TRMT2A: variants seen among roughly 807,000 people sequenced by gnomAD.
The protein encoded by TRMT2A is tRNA methyltransferase 2A, also known as tRNA (uracil-5-)-methyltransferase homolog A.
A neutral mutation model predicts 59.3 loss-of-function variants in TRMT2A; 60 were observed. The ratio of observed to expected loss-of-function variants is 1.01; its 90% CI spans 0.82 to 1.26. The LOEUF (loss-of-function observed/expected upper bound fraction) is 1.26, where lower values mean the gene tolerates loss of function less well. Ranked by LOEUF, TRMT2A falls within the 50% of genes most tolerant of loss-of-function variation. The pLI, the probability that TRMT2A is intolerant of heterozygous loss-of-function variation, is 0.00. For synonymous variants in TRMT2A, 403 were observed against 353.7 expected, an observed-to-expected ratio of 1.14 and a Z score of -1.56; for missense variants, 863 against 845.2, an observed-to-expected ratio of 1.02 and a Z score of -0.26.
At chr22:20,114,457 A>C in intron 7 of TRMT2A, 117 bp downstream of exon 7, 1 of 850,114 alleles carries the variant, frequency 1.2e-6, no homozygotes, top group Non-Finnish European at 2.0e-6. Context: ...CCTGTGGCTC[A>C]CCTGCCTGGA....
intron 4 of TRMT2A, 44 bp from the exon 5 acceptor site, chr22:20,115,123 G>A (rs1390254719): frequency 6.4e-7 from 1 of 1,563,380 alleles, no homozygotes; most frequent in Non-Finnish European, 8.7e-7. Context: ...AACTGGGCAA[G>A]CAGTCCCCCT....
At position 20,116,025 on chromosome 22, in the gene TRMT2A, C is replaced by T. The variant is rs760183557; in HGVS notation, c.599+13G>A. The stretch of plus-strand genomic sequence containing the variant: ...AGCCCTGGCCAAGAGGGGCGTCTTG[C>T]GCCCACACTCACTTGGCAAGTTTCT... On this transcript the variant is annotated intron_variant, in intron 2 of 11. Transcript: ENST00000252136. 21 of 1,543,232 alleles carry T rather than the reference C, an allele frequency of 1.4e-5. No individual in the cohort carries two copies. Among genetic ancestry groups the T allele is most frequent in the East Asian group, 6.8e-5 (3 of 44,136 alleles).
Position 20,115,375 on chromosome 22 carries a change from G to T in TRMT2A, c.781C>A (p.Arg261=), listed in dbSNP as rs1026113720. 3 of 1,612,650 alleles carry T rather than the reference G, an allele frequency of 1.9e-6. No individual in the cohort carries two copies. The African/African-American group carries it at 4.0e-5, about 22-fold the overall frequency. Reference sequence around the variant, plus strand: ...GTCCCGCCCTTGTACTTGCCGAGCCGACAGCCCACGGTGTTATCCTCCCCA... The same window carrying T: ...GTCCCGCCCTTGTACTTGCCGAGCCTACAGCCCACGGTGTTATCCTCCCCA... ...VDGEDNTVGC[R]LGKYKGGTCA... The change falls in exon 4 of 12, where the codon CGG becomes AGG. Residue 261 remains arginine (R), a synonymous_variant. Coordinates refer to ENST00000252136, the MANE Select transcript of TRMT2A (RefSeq NM_022727.6).
Position 20,112,136 on chromosome 22 carries a change from C to T in TRMT2A, c.*427G>A, listed in dbSNP as rs142467695. The stretch of plus-strand genomic sequence containing the variant: ...AGTTCCCAGACCTCTCTCTGCCTCT[C>T]CTCAAGTTTAAGTATCAAATCGAAC... On this transcript the variant is annotated 3_prime_UTR_variant, in exon 12 of 12. Coordinates refer to ENST00000252136, the MANE Select transcript of TRMT2A (RefSeq NM_022727.6). 15 of 179,356 alleles carry T rather than the reference C, an allele frequency of 8.4e-5. 1 individual carries two copies. In the East Asian group the frequency reaches 1.9e-3, roughly 22 times the overall value. 11.1% of individuals were successfully genotyped at this position (179,356 alleles called of 1,614,324 possible).
Position 20,115,721 on chromosome 22 carries a change from T to C in TRMT2A, c.659A>G (p.His220Arg). ...LPWLLEQRHK[H>R]NKACCPLEGV... is the part of the protein sequence containing the mutation. The stretch of plus-strand genomic sequence containing the variant: ...CTCCAGCGGGCAGCAGGCCTTGTTG[T>C]GCTTGTGCCTCTGCTCGAGCAGCCA... Residue 220 changes from histidine to arginine, a missense_variant, in exon 3 of 12, where the codon CAC becomes CGC. His to Arg is a conservative substitution (Grantham distance 29). Transcript: ENST00000252136. 1.2e-6 allele frequency: 2 copies of C among 1,612,828 alleles called. No homozygotes were observed. Among genetic ancestry groups the C allele is most frequent in the Non-Finnish European group, 1.7e-6 (2 of 1,179,852 alleles).
chr22:20,117,092 C>T lies in TRMT2A; in HGVS notation c.-186G>A. On this transcript the variant is annotated 5_prime_UTR_variant, in exon 1 of 12. Transcript: ENST00000252136. Reference sequence around the variant, plus strand: ...GCTTCGCCCCAGGCGGGGCGGGACTCGAACCTGCGATGCTCAGGTCCGGGT... The same window carrying T: ...GCTTCGCCCCAGGCGGGGCGGGACTTGAACCTGCGATGCTCAGGTCCGGGT... 1 of 752,014 alleles carries T rather than the reference C, an allele frequency of 1.3e-6. No individual in the cohort carries two copies. The highest frequency in any genetic ancestry group is 2.1e-6 in the Non-Finnish European group (1 of 467,112). 46.6% of individuals were successfully genotyped at this position (752,014 alleles called of 1,614,324 possible).
At position 20,115,737 on chromosome 22, in the gene TRMT2A, C is replaced by T. The variant is rs369621851; in HGVS notation, c.643G>A (p.Glu215Lys). The T allele has an allele frequency of 1.9e-4, 305 of 1,612,614 alleles. 3 individuals are homozygous for T. The South Asian group carries it at 2.9e-3, about 15-fold the overall frequency. ...GCCTTGTTGTGCTTGTGCCTCTGCT[C>T]GAGCAGCCAGGGCAGCAAGGCACGG... ...TNRALLPWLL[E>K]QRHKHNKACC... Residue 215 changes from glutamate to lysine, a missense_variant, in exon 3 of 12, where the codon GAG becomes AAG. Glu to Lys is a moderately conservative substitution (Grantham distance 56, BLOSUM62 1). Transcript: ENST00000252136.
In TRMT2A at chr22:20,116,513, C is replaced by T; in HGVS notation, c.124G>A (p.Val42Met). The change falls in exon 2 of 12, where the codon GTG (valine) becomes ATG (methionine). Residue 42 changes from valine (V) to methionine (M), a missense_variant. Coordinates refer to ENST00000252136, the MANE Select transcript of TRMT2A (RefSeq NM_022727.6). ...GCCGCCCCAGCGCCCTCTTTCTCCA[C>T]CTCCTCCAGGGCTGCCGGGGCTGCA... ...PPAAPAALEEVEKEGAGAATG... is the reference protein window; with the variant it reads ...PPAAPAALEEMEKEGAGAATG... 1.2e-6 allele frequency: 2 copies of T among 1,612,448 alleles called. No individual in the cohort carries two copies. The highest frequency in any genetic ancestry group is 1.7e-6 in the Non-Finnish European group (2 of 1,179,900).
At chr22:20,113,343 C>G (rs1290876927) in intron 9 of TRMT2A, 89 bp downstream of exon 9, 13 of 1,528,344 alleles carry the variant, frequency 8.5e-6, no homozygotes, top group Non-Finnish European at 1.1e-5. Context: ...ACCTGTCGGG[C>G]AGCCCCCAAG....
Position 20,113,510 on chromosome 22 carries a change from G to A in TRMT2A, c.1357-3C>T. The stretch of plus-strand genomic sequence containing the variant: ...ACCCCAATGACCCTCTTTACCTTCT[G>A]AAACAGGAAAGCGTGGTGTCGCCCC... On this transcript the variant is annotated splice_region_variant and splice_polypyrimidine_tract_variant and intron_variant, in intron 8 of 11. Transcript: ENST00000252136. 1 of 1,613,392 alleles carries A rather than the reference G, an allele frequency of 6.2e-7. No individual in the cohort carries two copies. The highest frequency in any genetic ancestry group is 2.2e-5 in the East Asian group (1 of 44,842).
At chr22:20,113,549 A>G (rs368178228) in intron 8 of TRMT2A, 42 bp from the exon 9 acceptor site, 2 of 1,611,268 alleles carry the variant, frequency 1.2e-6, no homozygotes, top group South Asian at 2.2e-5. Flanking sequence ...CAGGGAGGGG[A>G]GTACATGGGG....
At position 20,116,333 on chromosome 22, in the gene TRMT2A, T is replaced by C; in HGVS notation, c.304A>G (p.Lys102Glu). The change falls in exon 2 of 12, where the codon AAA becomes GAA. Residue 102 changes from lysine (K) to glutamate (E), a missense_variant. Coordinates refer to ENST00000252136, the MANE Select transcript of TRMT2A (RefSeq NM_022727.6). ...GGTGGTTGCCCAAAGAGTTTGGTTT[T>C]GTGGGGCTGCAGACCAAAGCGGCCC... is the stretch of plus-strand genomic sequence containing the variant. Reference protein sequence around the residue: ...FLGRFGLQPHKTKLFGQPPCA... With the variant: ...FLGRFGLQPHETKLFGQPPCA... 6.2e-7 allele frequency: 1 copy of C among 1,612,958 alleles called. No homozygotes were observed. Among genetic ancestry groups the C allele is most frequent in the Non-Finnish European group, 8.5e-7 (1 of 1,180,000 alleles).
chr22:20,114,548 C>CA, intron 7 of TRMT2A, 26 bp downstream of exon 7: 1 of 1,587,944 alleles, frequency 6.3e-7, no homozygotes, highest in Non-Finnish European at 8.6e-7. Context: ...AACATGTCCC[C>CA]ATGCCCACCA....
rs751851704 is a variant in TRMT2A, at chr22:20,116,128, T to C, written c.509A>G (p.Asp170Gly). 1 of 1,612,716 alleles carries C rather than the reference T, an allele frequency of 6.2e-7. No individual in the cohort carries two copies. The highest frequency in any genetic ancestry group is 8.5e-7 in the Non-Finnish European group (1 of 1,179,578). Residue 170 changes from aspartate (D) to glycine (G), a missense_variant, in exon 2 of 12, where the codon GAC becomes GGC. Asp to Gly is a moderately conservative substitution (Grantham distance 94). Coordinates refer to ENST00000252136, the MANE Select transcript of TRMT2A (RefSeq NM_022727.6). ...CACTGTCCATAGAGGGGTCACCACGTCGGCCACTCGTGTTACTGGTGGCTC... is the reference window on the plus strand; with the variant it reads ...CACTGTCCATAGAGGGGTCACCACGCCGGCCACTCGTGTTACTGGTGGCTC... ...ESEPPVTRVADVVTPLWTVPY... is the reference protein window; with the variant it reads ...ESEPPVTRVAGVVTPLWTVPY...
chr22:20,113,401 C>CGGG, intron 9 of TRMT2A, 31 bp downstream of exon 9: 5 of 893,466 alleles, frequency 5.6e-6, no homozygotes, highest in Middle Eastern at 2.3e-4. Flanking sequence ...CTGCCCCCAT[C>CGGG]CCCACCCCCA....
chr22:20,113,404 C>CCCCCCCCCCCCCCCCCCTG, intron 9 of TRMT2A, 28 bp downstream of exon 9: 13 of 1,511,254 alleles, frequency 8.6e-6, no homozygotes, highest in Non-Finnish European at 1.2e-5. Context: ...CCCCCATCCC[C>CCCCCCCCCCCCCCCCCCTG]ACCCCCACCC....
chr22:20,115,211 C>T, intron 4 of TRMT2A, 55 bp downstream of exon 4: 2 of 1,586,870 alleles, frequency 1.3e-6, no homozygotes, highest in East Asian at 2.3e-5. Context: ...AGGATCACCA[C>T]CCTCTGCTCC....
rs956812004 is a variant in TRMT2A at position 20,117,073 on chromosome 22, C to G, written c.-167G>C. On this transcript the variant is annotated 5_prime_UTR_variant, in exon 1 of 12. Coordinates refer to ENST00000252136, the MANE Select transcript of TRMT2A (RefSeq NM_022727.6). ...GAGGTCGCCGCCACCCCCGGCTTCG[C>G]CCCAGGCGGGGCGGGACTCGAACCT... 4.5e-6 allele frequency: 4 copies of G among 897,498 alleles called. No homozygotes were observed. The highest frequency in any genetic ancestry group is 3.3e-5 in the African/African-American group (2 of 60,148). The allele number at this position is 897,498 out of a possible 1,614,324, so 55.6% of individuals were successfully genotyped here. A position where few individuals can be genotyped will look rare whatever the true frequency, so the allele number is the denominator to read the frequency against.
rs201336042 is a variant in TRMT2A, at chr22:20,112,877, C to T, written c.1646+34G>A. 6.8e-6 allele frequency: 11 copies of T among 1,612,370 alleles called. No homozygotes were observed. The East Asian group carries it at 2.5e-4, about 36-fold the overall frequency. ...TGGGAGCTGGGGGCTTGGTAGCAGG[C>T]CTAGCCCCCACCCAGGCCCCTGCAG... On this transcript the variant is annotated intron_variant, in intron 11 of 11. Transcript: ENST00000252136.
Sources: allele counts gnomAD v4.1 joint callset, GRCh38; gene constraint gnomAD v4.1.1; transcripts MANE v1.5; gene names NCBI Gene and HGNC (gene_info 2026-07-23, HGNC 2026-07-21).